Variants in FCRL4 observed in about 807,000 individuals in gnomAD.
FCRL4 encodes the protein Fc receptor like 4, also known as Fc receptor-like protein 4.
FCRL4 carries 43 observed loss-of-function variants against 64.1 expected under a neutral mutation model. That is an observed-to-expected ratio of 0.67 (90% CI 0.53 to 0.87). The LOEUF (loss-of-function observed/expected upper bound fraction) is 0.87. Ranked by LOEUF, FCRL4 falls within the 40% of genes least tolerant of loss-of-function variation. The pLI, the probability that FCRL4 is intolerant of heterozygous loss-of-function variation, is 0.00. For missense variants in FCRL4, 656 were observed against 613.5 expected (o/e 1.07, Z -0.73); for synonymous variants, 253 against 239.8 (o/e 1.05, Z -0.51).
In FCRL4 at chr1:157,580,328, C is replaced by T. The variant is rs1652532194; in HGVS notation, c.1270G>A (p.Glu424Lys). 1.9e-6 allele frequency: 3 copies of T among 1,614,002 alleles called. No homozygotes were observed. The highest frequency in any genetic ancestry group is 2.2e-5 in the East Asian group (1 of 44,878). ...RKSGVGFLGDETRLPPAPGPG... is the reference protein window; with the variant it reads ...RKSGVGFLGDKTRLPPAPGPG... The stretch of plus-strand genomic sequence containing the variant: ...CAGAAACTGAGGTCTCACCTGGTTT[C>T]GTCTCCCAAGAAACCAACTCCTGCA... Residue 424 changes from glutamate (E) to lysine (K), a missense_variant, in exon 8 of 12, where the codon GAA becomes AAA. Physicochemically the swap from Glu to Lys is moderately conservative, Grantham distance 56. Transcript: ENST00000271532.
At position 157,581,660 on chromosome 1, in the gene FCRL4, C is replaced by G; in HGVS notation, c.1136-16G>C. On this transcript the variant is annotated splice_polypyrimidine_tract_variant and intron_variant, in intron 6 of 11. Coordinates refer to ENST00000271532, the MANE Select transcript of FCRL4 (RefSeq NM_031282.3). ...CCTGGGGTCTCTAAGGGGAAAGGAC[C>G]TGTGTGAATCTCAGTGGAGAGGTTC... is the stretch of plus-strand genomic sequence containing the variant. The G allele has an allele frequency of 1.3e-6, 2 of 1,598,082 alleles. No homozygotes were observed. Among genetic ancestry groups the G allele is most frequent in the Non-Finnish European group, 1.7e-6 (2 of 1,166,876 alleles).
chr1:157,591,197 A>C (rs549857609), intron 2 of FCRL4, among the ~76,000 whole-genome samples: 142 of 152,248 alleles, frequency 9.3e-4, no homozygotes, highest in African/African-American at 3.3e-3. Flanking sequence ...GTGTGGTTAC[A>C]CCCGTCAGTC....
chr1:157,586,194 C>T lies in FCRL4; in HGVS notation c.1109G>A (p.Ser370Asn). The change falls in exon 6 of 12, where the codon AGC (serine) becomes AAC (asparagine). Residue 370 changes from serine (S) to asparagine (N), a missense_variant. Transcript: ENST00000271532. ...TADNSYGPVQ[S>N]MVLNVTVRET... Reference sequence around the variant, plus strand: ...TCTCACAGTGACATTCAGCACCATGCTCTGGACAGGGCCGTAGCTGTTGTC... The same window carrying T: ...TCTCACAGTGACATTCAGCACCATGTTCTGGACAGGGCCGTAGCTGTTGTC... The T allele has an allele frequency of 6.2e-7, 1 of 1,613,006 alleles. No homozygotes were observed. The highest frequency in any genetic ancestry group is 1.1e-5 in the South Asian group (1 of 91,038).
rs370548436 is a variant in FCRL4 at position 157,586,433 on chromosome 1, G to T, written c.870C>A (p.Leu290=). ...GGCCCCCTGAGGGCTGGGTCTCCAG[G>T]AGCACCCCAGACACAGGGATCCCTA... ...HVQRIPVSGV[L]LETQPSGGQA... is the part of the protein sequence containing the mutation. Residue 290 remains leucine (L), a synonymous_variant, in exon 6 of 12, where the codon CTC becomes CTA. Coordinates refer to ENST00000271532, the MANE Select transcript of FCRL4 (RefSeq NM_031282.3). The T allele has an allele frequency of 1.2e-6, 2 of 1,610,344 alleles. No homozygotes were observed. The highest frequency in any genetic ancestry group is 1.7e-6 in the Non-Finnish European group (2 of 1,179,548).
chr1:157,581,624 C>T lies in FCRL4; in HGVS notation c.1156G>A (p.Gly386Ser), dbSNP rs766689008. Reference sequence around the variant, plus strand: ...CCAGTGGCTCCCGCGGCGACAAGGCCATCTCTGTTGCCTGGGGTCTCTAAG... The same window carrying T: ...CCAGTGGCTCCCGCGGCGACAAGGCTATCTCTGTTGCCTGGGGTCTCTAAG... ...TVRETPGNRD[G>S]LVAAGATGGL... The change falls in exon 7 of 12, where the codon GGC becomes AGC. Residue 386 changes from glycine to serine, a missense_variant. Transcript: ENST00000271532. The T allele has an allele frequency of 1.9e-6, 3 of 1,613,884 alleles. No homozygotes were observed.
In FCRL4 at chr1:157,575,578, T is replaced by G. The variant is rs1007989153; in HGVS notation, c.1494A>C (p.Thr498=). Residue 498 remains threonine, a synonymous_variant, in exon 12 of 12, where the codon ACA becomes ACC. Transcript: ENST00000271532. ...DVSVVYSEVK[T]QHPDNSAGKI... ...TTCCAGCTGAGTTATCTGGGTGTTG[T>G]GTCTTTACCTCAGAGTAGACAACTG... is the stretch of plus-strand genomic sequence containing the variant. The G allele has an allele frequency of 3.1e-6, 5 of 1,613,844 alleles. No homozygotes were observed. Among genetic ancestry groups the G allele is most frequent in the Admixed American group, 1.7e-5 (1 of 59,998 alleles).
Position 157,586,324 on chromosome 1 carries a change from C to T in FCRL4, c.979G>A (p.Asp327Asn), listed in dbSNP as rs1652691655. 1.9e-6 allele frequency: 3 copies of T among 1,613,810 alleles called. No homozygotes were observed. The highest frequency in any genetic ancestry group is 1.3e-5 in the African/African-American group (1 of 74,904). ...GDTTFSWHRE[D>N]MQESLGRKTQ... The stretch of plus-strand genomic sequence containing the variant: ...TTCCTCCCCAGACTCTCCTGCATGT[C>T]CTCTCGGTGCCAGGAGAATGTGGTA... Residue 327 changes from aspartate to asparagine, a missense_variant, in exon 6 of 12, where the codon GAC becomes AAC. By Grantham distance (23) the Asp-to-Asn change is conservative. Transcript: ENST00000271532.
Position 157,580,344 on chromosome 1 carries a change from A to G in FCRL4, c.1254T>C (p.Val418=). Residue 418 remains valine (V), a synonymous_variant, in exon 8 of 12, where the codon GTT becomes GTC. Transcript: ENST00000271532. ...FHCWRRRKSG[V]GFLGDETRLP... is the part of the protein sequence containing the mutation. ...ACCTGGTTTCGTCTCCCAAGAAACC[A>G]ACTCCTGCAAAATAAAGCAAAGACG... 5 of 1,614,174 alleles carry G rather than the reference A, an allele frequency of 3.1e-6. No individual in the cohort carries two copies. Among genetic ancestry groups the G allele is most frequent in the Non-Finnish European group, 4.2e-6 (5 of 1,180,008 alleles).
intron 6 of FCRL4, among the ~76,000 whole-genome samples, chr1:157,584,335 A>G (rs1359796693): frequency 6.6e-6 from 1 of 151,952 alleles, no homozygotes; most frequent in Non-Finnish European, 1.5e-5. Flanking sequence ...TCAAGACCAG[A>G]CTGGGCAACG....
At position 157,597,850 on chromosome 1, in the gene FCRL4, A is replaced by G. The variant is rs527965521; in HGVS notation, c.31+64T>C. ...ATCCATGATTGCAGCAGCAGAAAAG[A>G]GGGCTTTTGCTCATGGTGAGGCTCA... On this transcript the variant is annotated intron_variant, in intron 1 of 11. Coordinates refer to ENST00000271532, the MANE Select transcript of FCRL4 (RefSeq NM_031282.3). 280 of 1,345,508 alleles carry G rather than the reference A, an allele frequency of 2.1e-4. 3 individuals carry two copies. In the South Asian group the frequency reaches 3.1e-3, roughly 15 times the overall value. 83.3% of individuals were successfully genotyped at this position (1,345,508 alleles called of 1,614,324 possible). A position where few individuals can be genotyped will look rare whatever the true frequency, so the allele number is the denominator to read the frequency against.
intron 1 of FCRL4, among the ~76,000 whole-genome samples, chr1:157,596,567 C>T (rs1186720824): frequency 6.6e-6 from 1 of 152,116 alleles, no homozygotes; most frequent in African/African-American, 2.4e-5. Flanking sequence ...CAGGGCAAAC[C>T]ACATGAACTT....
At chr1:157,594,339 C>T (rs940152056) in intron 2 of FCRL4, among the ~76,000 whole-genome samples, 1 of 152,170 alleles carries the variant, frequency 6.6e-6, no homozygotes, top group African/African-American at 2.4e-5. Context: ...AGAAGAGATG[C>T]ACACTGGGTG....
intron 6 of FCRL4, 129 bp downstream of exon 6, chr1:157,586,039 T>G (rs1162936200): frequency 1.1e-6 from 1 of 901,738 alleles, no homozygotes; most frequent in Non-Finnish European, 1.7e-6. Context: ...GAAGAAATTG[T>G]TTATCACAGT....
At chr1:157,580,166 G>A (rs1319277027) in intron 8 of FCRL4, among the ~76,000 whole-genome samples, 155 bp downstream of exon 8, 3 of 152,174 alleles carry the variant, frequency 2.0e-5, no homozygotes, top group Non-Finnish European at 4.4e-5. Flanking sequence ...AAAGTTCTAG[G>A]AAGCTTCATT....
chr1:157,592,854 A>G (rs1652868302), intron 2 of FCRL4, among the ~76,000 whole-genome samples: 1 of 152,256 alleles, frequency 6.6e-6, no homozygotes, highest in South Asian at 2.1e-4. Flanking sequence ...CATCAATGAT[A>G]GACTGGATTA....
chr1:157,593,109 A>G (rs1652875112), intron 2 of FCRL4, among the ~76,000 whole-genome samples: 1 of 152,228 alleles, frequency 6.6e-6, no homozygotes, highest in South Asian at 2.1e-4. Context: ...TGGGGGACAG[A>G]TAGCATTAGG....
chr1:157,589,555 T>C, intron 2 of FCRL4, 97 bp from the exon 3 acceptor site: 2 of 1,453,406 alleles, frequency 1.4e-6, no homozygotes, highest in Non-Finnish European at 1.9e-6. Flanking sequence ...GCTTGGGAGA[T>C]CCCTAAGATG....
At position 157,578,928 on chromosome 1, in the gene FCRL4, G is replaced by T. The variant is rs984749506; in HGVS notation, c.1278-76C>A. 5 of 1,209,610 alleles carry T rather than the reference G, an allele frequency of 4.1e-6. No individual in the cohort carries two copies. The South Asian group carries it at 6.0e-5, about 14-fold the overall frequency. The allele number at this position is 1,209,610 out of a possible 1,614,324, so 74.9% of individuals were successfully genotyped here. On this transcript the variant is annotated intron_variant, in intron 8 of 11. Coordinates refer to ENST00000271532, the MANE Select transcript of FCRL4 (RefSeq NM_031282.3). ...GAGAGTGAGATACCCAGGGAGAGCG[G>T]CAGAGGAGAAAGAGGATTTGGAGAA...
Position 157,578,812 on chromosome 1 carries a change from T to G in FCRL4, c.1318A>C (p.Ile440Leu). 6.2e-7 allele frequency: 1 copy of G among 1,613,782 alleles called. No homozygotes were observed. Among genetic ancestry groups the G allele is most frequent in the Non-Finnish European group, 8.5e-7 (1 of 1,179,888 alleles). The change falls in exon 9 of 12, where the codon ATC (isoleucine) becomes CTC (leucine). Residue 440 changes from isoleucine to leucine, a missense_variant. Coordinates refer to ENST00000271532, the MANE Select transcript of FCRL4 (RefSeq NM_031282.3). ...APGPGESSHS[I>L]CPAQVELQSL... ...TGAAGCTCCACCTGGGCAGGGCAGA[T>G]GGAATGGGAGGACTCTCCTGGGCCT...
Sources: allele counts gnomAD v4.1 joint callset (sites outside exome capture counted in the v4.1 genomes callset), GRCh38; gene constraint gnomAD v4.1.1; transcripts MANE v1.5; gene names NCBI Gene and HGNC (gene_info 2026-07-23, HGNC 2026-07-21).